CDH23: variants seen among roughly 807,000 people sequenced by gnomAD.
The protein encoded by CDH23 is cadherin related 23, also known as cadherin-23.
CDH23 carries 189 observed loss-of-function variants against 317.1 expected under a neutral mutation model. That is an observed-to-expected ratio of 0.60 (90% CI 0.53 to 0.67). The LOEUF is 0.67. Among genes scored for constraint, CDH23 ranks in the 30% least tolerant of loss-of-function variants. The pLI is 0.00. For missense variants in CDH23, 4,401 were observed against 4,592.4 expected, an observed-to-expected ratio of 0.96 and a Z score of 1.20; for synonymous variants, 1,839 against 1,876.8, an observed-to-expected ratio of 0.98 and a Z score of 0.52.
intron 6 of CDH23, among the ~76,000 whole-genome samples, chr10:71,531,881 G>T (rs752281432): frequency 2.0e-5 from 3 of 152,110 alleles, no homozygotes; most frequent in Non-Finnish European, 4.4e-5. Context: ...GCCAAAGAGG[G>T]GAACAACAGT....
Position 71,740,904 on chromosome 10 carries a change from C to T in CDH23, c.4571C>T (p.Pro1524Leu), listed in dbSNP as rs1839717200. 6.2e-7 allele frequency: 1 copy of T among 1,613,970 alleles called. No individual in the cohort carries two copies. Among genetic ancestry groups the T allele is most frequent in the South Asian group, 1.1e-5 (1 of 91,086 alleles). ...ACCATCCTGGACATCAATGACAACC[C>T]TCCAGTCATCGAGAGCCCCTTTGGA... ...QVTILDINDNPPVIESPFGYN... is the reference protein window; with the variant it reads ...QVTILDINDNLPVIESPFGYN... The change falls in exon 37 of 70, where the codon CCT becomes CTT. Residue 1524 changes from proline to leucine, a missense_variant. By Grantham distance (98) the Pro-to-Leu change is moderately conservative. Coordinates refer to ENST00000224721, the MANE Select transcript of CDH23 (RefSeq NM_022124.6).
At chr10:71,697,199 C>T (rs1450322268) in intron 22 of CDH23, among the ~76,000 whole-genome samples, 1 of 152,166 alleles carries the variant, frequency 6.6e-6, no homozygotes, top group East Asian at 1.9e-4. Flanking sequence ...AGCTTTGGTC[C>T]CCCCGCCCTT....
chr10:71,536,345 TGAG>T (rs994178306), intron 6 of CDH23, among the ~76,000 whole-genome samples: 4 of 151,402 alleles, frequency 2.6e-5, no homozygotes, highest in African/African-American at 9.7e-5. Flanking sequence ...CTGGGGCTAG[TGAG>T]GAGGAGGCTG....
chr10:71,466,174 T>A (rs1342073781), intron 3 of CDH23, among the ~76,000 whole-genome samples: 1 of 152,212 alleles, frequency 6.6e-6, no homozygotes, highest in East Asian at 1.9e-4. Context: ...TGGGTGTATG[T>A]GCCCGTCTGT....
chr10:71,563,274 G>A lies in CDH23; in HGVS notation c.430-3468G>A, dbSNP rs114687625. 4.1e-3 allele frequency among the ~76,000 whole-genome samples: 631 copies of A among 152,212 alleles called. 7 individuals carry two copies. Among genetic ancestry groups the A allele is most frequent in the African/African-American group, 0.015 (609 of 41,522 alleles). ...GGAGGCTGGACTAGATGACCCCAAG[G>A]TTCCTTCCAGCTCCTGCATTCCAGC... On this transcript the variant is annotated intron_variant, in intron 6 of 69. Transcript: ENST00000224721.
In CDH23 at chr10:71,741,846, C is replaced by T. The variant is rs1839743519; in HGVS notation, c.4770C>T (p.Ala1590=). 1 of 1,611,316 alleles carries T rather than the reference C, an allele frequency of 6.2e-7. No homozygotes were observed. Among genetic ancestry groups the T allele is most frequent in the Non-Finnish European group, 8.5e-7 (1 of 1,179,022 alleles). ...RISGEIATRP[A]PPDRERQSFY... The stretch of plus-strand genomic sequence containing the variant: ...GCGGTGAGATCGCCACACGGCCTGC[C>T]CCGCCTGACCGCGAGCGCCAGAGCT... The change falls in exon 38 of 70, where the codon GCC becomes GCT. Residue 1590 remains alanine, a synonymous_variant. Coordinates refer to ENST00000224721, the MANE Select transcript of CDH23 (RefSeq NM_022124.6).
chr10:71,533,552 CACACACACACACACACACT>C (rs1855528985), intron 6 of CDH23, among the ~76,000 whole-genome samples: 1 of 151,510 alleles, frequency 6.6e-6, no homozygotes, highest in Non-Finnish European at 1.5e-5. Context: ...CACACACACA[CACACACACACACACACACT>C]GGCTGGGGCT....
rs766513178 is a variant in CDH23, at chr10:71,702,125, G to A, written c.2501G>A (p.Arg834His). 6.8e-6 allele frequency: 11 copies of A among 1,613,950 alleles called. No individual in the cohort carries two copies. Among genetic ancestry groups the A allele is most frequent in the East Asian group, 2.2e-5 (1 of 44,886 alleles). ...YSLNSTTGKIRTTHAMLDREN... is the reference protein window; with the variant it reads ...YSLNSTTGKIHTTHAMLDREN... Reference sequence around the variant, plus strand: ...CTCAACAGCACCACGGGCAAGATCCGCACCACCCACGCCATGCTGGACCGG... The same window carrying A: ...CTCAACAGCACCACGGGCAAGATCCACACCACCCACGCCATGCTGGACCGG... Residue 834 changes from arginine (R) to histidine (H), a missense_variant, in exon 23 of 70, where the codon CGC becomes CAC. By Grantham distance (29) the Arg-to-His change is conservative. Transcript: ENST00000224721.
intron 28 of CDH23, chr10:71,715,880 A>G: frequency 7.1e-7 from 1 of 1,414,838 alleles, no homozygotes; most frequent in East Asian, 2.7e-5. Flanking sequence ...TCTCTGAAGC[A>G]GGAGGATCTA....
intron 3 of CDH23, among the ~76,000 whole-genome samples, chr10:71,495,075 C>A (rs749327507): frequency 3.9e-4 from 60 of 152,182 alleles, no homozygotes; most frequent in Non-Finnish European, 7.9e-4. Flanking sequence ...CCTCTGCCAA[C>A]TGGGCTGGAC....
chr10:71,579,111 A>G (rs967673874), intron 9 of CDH23, among the ~76,000 whole-genome samples: 1 of 152,178 alleles, frequency 6.6e-6, no homozygotes, highest in Non-Finnish European at 1.5e-5. Context: ...TAGTTAACGT[A>G]TGTAAAGTAC....
intron 9 of CDH23, among the ~76,000 whole-genome samples, chr10:71,600,510 A>G (rs1282456552): frequency 6.7e-6 from 1 of 149,418 alleles, no homozygotes; most frequent in Non-Finnish European, 1.5e-5. Context: ...GTTTGACCGC[A>G]GAACTTTTTT....
Position 71,705,032 on chromosome 10 carries a change from A to G in CDH23, c.2855A>G (p.Glu952Gly), listed in dbSNP as rs2132740186. 5 of 1,612,640 alleles carry G rather than the reference A, an allele frequency of 3.1e-6. No individual in the cohort carries two copies. The highest frequency in any genetic ancestry group is 4.2e-6 in the Non-Finnish European group (5 of 1,179,832). Residue 952 changes from glutamate to glycine, a missense_variant, in exon 25 of 70, where the codon GAG (glutamate) becomes GGG (glycine). By Grantham distance (98) the Glu-to-Gly change is moderately conservative. Coordinates refer to ENST00000224721, the MANE Select transcript of CDH23 (RefSeq NM_022124.6). ...AGCGGCGTGGTGGTCACCACCACCG[A>G]GCTGGACCGCGAGCGCATCGCGGAG... ...SSSGVVVTTT[E>G]LDRERIAEYQ...
At chr10:71,809,371 GT>G (rs1233043437) in intron 60 of CDH23, among the ~76,000 whole-genome samples, 1 of 151,800 alleles carries the variant, frequency 6.6e-6, no homozygotes, top group East Asian at 1.9e-4. Context: ...TACAGATGGG[GT>G]TTCATCATGT....
intron 51 of CDH23, 104 bp from the exon 52 acceptor site, chr10:71,799,388 C>A: frequency 6.2e-7 from 1 of 1,603,394 alleles, no homozygotes. Flanking sequence ...TGGGAGTGCC[C>A]AGCCCACGAG....
chr10:71,763,886 C>G (rs978350818), intron 38 of CDH23, among the ~76,000 whole-genome samples: 1 of 152,126 alleles, frequency 6.6e-6, no homozygotes, highest in Non-Finnish European at 1.5e-5. Context: ...TGACTGATAA[C>G]AACTTGTGAT....
chr10:71,587,494 C>G (rs1859160120), intron 9 of CDH23, among the ~76,000 whole-genome samples: 3 of 152,174 alleles, frequency 2.0e-5, no homozygotes, highest in South Asian at 4.1e-4. Context: ...GAAAAGGGAT[C>G]ATAAATAAAT....
Position 71,494,989 on chromosome 10 carries a change from G to A in CDH23, c.146-15093G>A, listed in dbSNP as rs139638293. 3.5e-3 allele frequency among the ~76,000 whole-genome samples: 535 copies of A among 152,244 alleles called. 3 individuals carry two copies. Among genetic ancestry groups the A allele is most frequent in the African/African-American group, 0.012 (510 of 41,540 alleles). Reference sequence around the variant, plus strand: ...AATGAGCCCAGTGAAAAGCCTGAAGGCGCTTGCTCACCTGGGGCCTTCGGA... The same window carrying A: ...AATGAGCCCAGTGAAAAGCCTGAAGACGCTTGCTCACCTGGGGCCTTCGGA... On this transcript the variant is annotated intron_variant, in intron 3 of 69. Transcript: ENST00000224721.
intron 14 of CDH23, among the ~76,000 whole-genome samples, chr10:71,668,923 A>G (rs1012258356): frequency 1.3e-5 from 2 of 152,198 alleles, no homozygotes; most frequent in Non-Finnish European, 2.9e-5. Context: ...AGAAATAAGC[A>G]CTTGCAGATG....
Sources: allele counts gnomAD v4.1 joint callset (sites outside exome capture counted in the v4.1 genomes callset), GRCh38; gene constraint gnomAD v4.1.1; transcripts MANE v1.5; gene names NCBI Gene and HGNC (gene_info 2026-07-23, HGNC 2026-07-21).